The following NSMCE2 variants were observed in gnomAD, a reference collection of about 807,000 sequenced individuals.
NSMCE2 encodes E3 SUMO-protein ligase NSE2.
Under a neutral mutation model 23.8 loss-of-function variants are expected in NSMCE2, and 24 were observed. The observed-to-expected ratio is 1.01, with a 90% CI of 0.73 to 1.42. The LOEUF is 1.42. Ranked by LOEUF, NSMCE2 falls within the 40% of genes most tolerant of loss-of-function variation. The pLI, the probability that NSMCE2 is intolerant of heterozygous loss-of-function variation, is 0.00. For synonymous variants in NSMCE2, 92 were observed against 94.1 expected (o/e 0.98, Z 0.13); for missense variants, 284 against 296.5 (o/e 0.96, Z 0.31).
intron 5 of NSMCE2, among the ~76,000 whole-genome samples, chr8:125,235,998 A>C (rs1191186054): frequency 6.6e-6 from 1 of 152,260 alleles, no homozygotes; most frequent in Admixed American, 6.5e-5. Flanking sequence ...TATGGCAGTT[A>C]GGTTATTTGA....
intron 5 of NSMCE2, among the ~76,000 whole-genome samples, chr8:125,335,717 G>A (rs1830047289): frequency 6.6e-6 from 1 of 152,176 alleles, no homozygotes; most frequent in South Asian, 2.1e-4. Context: ...TCATTGACAT[G>A]GTGACGTGAC....
chr8:125,144,400 T>A (rs1820553278), intron 3 of NSMCE2, among the ~76,000 whole-genome samples: 1 of 152,240 alleles, frequency 6.6e-6, no homozygotes, highest in Admixed American at 6.5e-5. Context: ...AAGAATCTTC[T>A]GCTCTCCTAT....
intron 5 of NSMCE2, among the ~76,000 whole-genome samples, chr8:125,328,011 G>A (rs956353190): frequency 4.1e-4 from 62 of 152,284 alleles, no homozygotes; most frequent in Admixed American, 1.1e-3. Flanking sequence ...TATGGGTGAG[G>A]TTTTCTAGCA....
At chr8:125,295,727 T>G (rs1395705610) in intron 5 of NSMCE2, among the ~76,000 whole-genome samples, 1 of 152,228 alleles carries the variant, frequency 6.6e-6, no homozygotes, top group East Asian at 1.9e-4. Context: ...TTGGAAGGAA[T>G]AGTTGGAGCT....
chr8:125,282,843 C>T (rs559995324), intron 5 of NSMCE2, among the ~76,000 whole-genome samples: 1 of 152,356 alleles, frequency 6.6e-6, no homozygotes, highest in Non-Finnish European at 1.5e-5. Context: ...CAGTGTACAG[C>T]CCTACTGGGC....
At chr8:125,298,694 T>G (rs6989375) in intron 5 of NSMCE2, among the ~76,000 whole-genome samples, 16,027 of 107,030 alleles carry the variant, frequency 0.15, 1,285 homozygotes, top group African/African-American at 0.28. Context: ...TGGGTTTTTT[T>G]TTGTTTTTTT....
At chr8:125,126,652 G>A (rs772358208) in intron 3 of NSMCE2, among the ~76,000 whole-genome samples, 3 of 152,136 alleles carry the variant, frequency 2.0e-5, no homozygotes, top group Non-Finnish European at 4.4e-5. Context: ...TGTTGGCTAG[G>A]CAGAATAACC....
intron 5 of NSMCE2, among the ~76,000 whole-genome samples, chr8:125,185,910 T>C (rs1823074357): frequency 6.6e-6 from 1 of 152,174 alleles, no homozygotes; most frequent in Non-Finnish European, 1.5e-5. Context: ...TTTGGTCTAT[T>C]TTGTTGACGT....
chr8:125,183,925 T>G (rs1822953958), intron 5 of NSMCE2, among the ~76,000 whole-genome samples: 1 of 152,168 alleles, frequency 6.6e-6, no homozygotes, highest in Non-Finnish European at 1.5e-5. Flanking sequence ...TGGTGCTTAG[T>G]GAAAATATTT....
At chr8:125,117,660 C>T (rs529647303) in intron 3 of NSMCE2, among the ~76,000 whole-genome samples, 8 of 152,214 alleles carry the variant, frequency 5.3e-5, no homozygotes, top group African/African-American at 1.9e-4. Flanking sequence ...GGACCAGAGG[C>T]GTGCACCACG....
rs144653490 is a variant in NSMCE2, at chr8:125,282,858, C to T, written c.419-74361C>T. ...CAGTGTACAGCCCTACTGGGCAGTT[C>T]TGGACTCCACTTGAAAATATTTTTA... On this transcript the variant is annotated intron_variant, in intron 5 of 7. Transcript: ENST00000287437. Among the ~76,000 whole-genome samples the T allele has an allele frequency of 2.4e-3, 367 of 152,336 alleles. 2 individuals are homozygous for T. The highest frequency in any genetic ancestry group is 3.9e-3 in the Non-Finnish European group (264 of 68,026).
chr8:125,141,206 C>T (rs1820357198), intron 3 of NSMCE2, among the ~76,000 whole-genome samples: 3 of 152,160 alleles, frequency 2.0e-5, no homozygotes, highest in Middle Eastern at 3.2e-3. Context: ...TCTATATAAT[C>T]AAAGATGTCG....
rs140623528 is a variant in NSMCE2, at chr8:125,155,384, T to C, written c.264+4107T>C. ...GTCTTGATGTCAGCTTCAGAGTGCCTTAATCAATCCAAAGACTTATTGTGA... is the reference window on the plus strand; with the variant it reads ...GTCTTGATGTCAGCTTCAGAGTGCCCTAATCAATCCAAAGACTTATTGTGA... On this transcript the variant is annotated intron_variant, in intron 4 of 7. Coordinates refer to ENST00000287437, the MANE Select transcript of NSMCE2 (RefSeq NM_173685.4). Among the ~76,000 whole-genome samples the C allele has an allele frequency of 3.3e-3, 497 of 152,308 alleles. 1 individual carries two copies. Among genetic ancestry groups the C allele is most frequent in the African/African-American group, 0.011 (466 of 41,564 alleles).
intron 5 of NSMCE2, among the ~76,000 whole-genome samples, chr8:125,264,332 T>C (rs1586689678): frequency 6.6e-6 from 1 of 152,212 alleles, no homozygotes; most frequent in South Asian, 2.1e-4. Flanking sequence ...ATATGCCTTA[T>C]GTATATCCTC....
intron 5 of NSMCE2, among the ~76,000 whole-genome samples, chr8:125,204,279 A>C (rs552129570): frequency 7.2e-5 from 11 of 152,356 alleles, no homozygotes; most frequent in African/African-American, 2.4e-4. Context: ...ACTCTTAAGC[A>C]CAAAGTGTGG....
chr8:125,141,247 T>C (rs527822606), intron 3 of NSMCE2, among the ~76,000 whole-genome samples: 15 of 152,218 alleles, frequency 9.9e-5, no homozygotes, highest in Non-Finnish European at 1.5e-4. Flanking sequence ...TAGAGCAATT[T>C]ATTTAAGTCA....
intron 3 of NSMCE2, among the ~76,000 whole-genome samples, chr8:125,131,805 C>G (rs78214529): frequency 3.7e-4 from 56 of 152,262 alleles, no homozygotes; most frequent in African/African-American, 1.3e-3. Flanking sequence ...CTGATACATC[C>G]TGAAGTTTGA....
At chr8:125,215,434 T>G (rs1393645458) in intron 5 of NSMCE2, among the ~76,000 whole-genome samples, 3 of 151,910 alleles carry the variant, frequency 2.0e-5, no homozygotes, top group Non-Finnish European at 4.4e-5. Context: ...CTTAATCCAG[T>G]CTATCATTGT....
In NSMCE2 at chr8:125,182,185, C is replaced by T. The variant is rs373937145; in HGVS notation, c.347C>T (p.Ser116Phe). Reference protein sequence around the residue: ...KKFLALQSKNSDADFQNNEKF... With the variant: ...KKFLALQSKNFDADFQNNEKF... ...TTTTTGGCTTTACAGAGCAAGAATT[C>T]TGATGCAGACTTTCAAAATAATGAA... is the stretch of plus-strand genomic sequence containing the variant. The change falls in exon 5 of 8, where the codon TCT becomes TTT. Residue 116 changes from serine to phenylalanine, a missense_variant. This residue lies in a region of NSMCE2 where 182 missense variants were observed against 155.5 expected (regional missense o/e 1.17). Transcript: ENST00000287437. 2 of 1,605,266 alleles carry T rather than the reference C, an allele frequency of 1.2e-6. No homozygotes were observed. The highest frequency in any genetic ancestry group is 2.2e-5 in the South Asian group (2 of 89,568).
Sources: gnomAD v4.1 joint callset for allele counts (sites outside exome capture counted in the v4.1 genomes callset) on GRCh38, gnomAD v4.1.1 for gene constraint, gnomAD v4.1.1 regional missense constraint, MANE v1.5 for transcripts, NCBI Gene and HGNC (gene_info 2026-07-23, HGNC 2026-07-21) for gene names.